KLHL5: variants seen among roughly 807,000 people sequenced by gnomAD.
KLHL5 encodes the protein kelch like family member 5, also known as kelch-like protein 5.
Under a neutral mutation model 77.7 loss-of-function variants are expected in KLHL5, and 48 were observed. The observed-to-expected ratio is 0.62, with a 90% CI of 0.49 to 0.79. KLHL5 has a LOEUF of 0.79. Among genes scored for constraint, KLHL5 ranks in the 30% least tolerant of loss-of-function variants. The probability of loss-of-function intolerance (pLI) is 0.00; values close to 1 mark genes in which losing one functional copy is unlikely to be tolerated. For synonymous variants in KLHL5, 260 were observed against 297.0 expected, an observed-to-expected ratio of 0.88 and a Z score of 1.28; for missense variants, 723 against 859.7, an observed-to-expected ratio of 0.84 and a Z score of 1.99.
At position 39,103,296 on chromosome 4, in the gene KLHL5, G is replaced by A. The variant is rs765362453; in HGVS notation, c.1310G>A (p.Ser437Asn). ...ATATATTACTATGAAGGAGCAACAA[G>A]CATTGAAAAGTATGATCTCCGTACA... ...GGMDSTKGATSIEKYDLRTNM... is the reference protein window; with the variant it reads ...GGMDSTKGATNIEKYDLRTNM... The change falls in exon 7 of 11, where the codon AGC (serine) becomes AAC (asparagine). Residue 437 changes from serine to asparagine, a missense_variant. Around this residue, in one of 3 missense-constraint regions of KLHL5, gnomAD observed 288 missense variants for 400.3 expected, o/e 0.72. Coordinates refer to ENST00000504108, the MANE Select transcript of KLHL5 (RefSeq NM_015990.5). 49 of 1,611,624 alleles carry A rather than the reference G, an allele frequency of 3.0e-5. No individual in the cohort carries two copies.
At chr4:39,069,424 A>C (rs1487463323) in intron 1 of KLHL5, among the ~76,000 whole-genome samples, 1 of 93,186 alleles carries the variant, frequency 1.1e-5, no homozygotes, top group African/African-American at 4.6e-5. Flanking sequence ...TTTCCCTATT[A>C]ACATTTTATA....
chr4:39,077,655 T>C (rs142965073), intron 2 of KLHL5, among the ~76,000 whole-genome samples: 17 of 137,980 alleles, frequency 1.2e-4, no homozygotes, highest in African/African-American at 4.7e-4. Context: ...GTGCAAACAC[T>C]ACAGAAAACA....
chr4:39,142,960 G>A, the KLHL5 span, among the ~76,000 whole-genome samples: 1 of 152,184 alleles, frequency 6.6e-6, no homozygotes, highest in African/African-American at 2.4e-5. Flanking sequence ...AGGGAGTCTT[G>A]TGGTGATGGT....
At chr4:39,049,055 T>C (rs980207060) in intron 1 of KLHL5, among the ~76,000 whole-genome samples, 1 of 152,192 alleles carries the variant, frequency 6.6e-6, no homozygotes, top group Non-Finnish European at 1.5e-5. Context: ...GAAATGCATT[T>C]CTACCATGTG....
rs1284244605 is a variant in KLHL5 at position 39,086,663 on chromosome 4, A to T, written c.1049A>T (p.Glu350Val). 5 of 1,613,916 alleles carry T rather than the reference A, an allele frequency of 3.1e-6. No individual in the cohort carries two copies. In the Admixed American group the frequency reaches 8.3e-5, roughly 27 times the overall value. ...CTTACTTGGGTCCGTCATGATTTGG[A>T]ACAGAGACGGAAAGATCTAAGTAAA... ...ALLTWVRHDL[E>V]QRRKDLSKLL... Residue 350 changes from glutamate (E) to valine (V), a missense_variant, in exon 5 of 11, where the codon GAA becomes GTA. Coordinates refer to ENST00000504108, the MANE Select transcript of KLHL5 (RefSeq NM_015990.5).
rs535591386 is a variant in KLHL5 at position 39,068,043 on chromosome 4, T to C, written c.383+5008T>C. ...TACTGGTTGCTTGCCTCTCTGTCTT[T>C]CCACTGCAGATAGCCCAAACTCTTA... On this transcript the variant is annotated intron_variant, in intron 1 of 10. Transcript: ENST00000504108. Among the ~76,000 whole-genome samples the C allele has an allele frequency of 2.6e-5, 4 of 152,194 alleles. No individual in the cohort carries two copies. In the South Asian group the frequency reaches 8.3e-4, roughly 32 times the overall value.
the KLHL5 span, among the ~76,000 whole-genome samples, chr4:39,142,784 G>C: frequency 1.4e-5 from 2 of 145,386 alleles, no homozygotes; most frequent in East Asian, 4.1e-4. Context: ...ATTATGCTGA[G>C]TGAAAAAAAA....
chr4:39,092,766 A>G (rs1334272150), intron 5 of KLHL5, among the ~76,000 whole-genome samples: 17 of 152,198 alleles, frequency 1.1e-4, no homozygotes, highest in Non-Finnish European at 1.9e-4. Context: ...TAAAAACATG[A>G]ACATATCATC....
intron 1 of KLHL5, among the ~76,000 whole-genome samples, chr4:39,046,065 T>G (rs899169902): frequency 6.6e-6 from 1 of 151,994 alleles, no homozygotes; most frequent in African/African-American, 2.4e-5. Context: ...TTTTCAGCAT[T>G]TACAGATTTG....
chr4:39,135,996 A>C, the KLHL5 span, among the ~76,000 whole-genome samples: 21 of 145,616 alleles, frequency 1.4e-4, 1 homozygote, highest in African/African-American at 5.4e-4. Context: ...GATTCAATTC[A>C]TTCTAACACG....
Position 39,107,736 on chromosome 4 carries a change from G to A in KLHL5, c.1688+5G>A. On this transcript the variant is annotated splice_donor_5th_base_variant and intron_variant, in intron 8 of 10. Transcript: ENST00000504108. ...TGTGGCAGTACTAAGTGGAAAGTAA[G>A]GAAATATTTAAAGTTCCATTTAAAA... 5 of 1,569,902 alleles carry A rather than the reference G, an allele frequency of 3.2e-6. No homozygotes were observed. Among genetic ancestry groups the A allele is most frequent in the East Asian group, 2.3e-5 (1 of 44,182 alleles).
intron 1 of KLHL5, among the ~76,000 whole-genome samples, chr4:39,072,934 G>A (rs1718625251): frequency 6.6e-6 from 1 of 152,064 alleles, no homozygotes; most frequent in Non-Finnish European, 1.5e-5. Context: ...ATAGCTAAAA[G>A]AGAGGGCTCT....
intron 1 of KLHL5, among the ~76,000 whole-genome samples, chr4:39,069,473 TACAC>T (rs57779550): frequency 1.1e-3 from 80 of 70,280 alleles, no homozygotes; most frequent in East Asian, 5.0e-3. Flanking sequence ...TATATATATA[TACAC>T]ACACACACAC....
the KLHL5 span, among the ~76,000 whole-genome samples, chr4:39,142,708 T>A: frequency 6.7e-6 from 1 of 149,844 alleles, no homozygotes; most frequent in Non-Finnish European, 1.5e-5. Context: ...TACCATGGAA[T>A]ACGATCCAGC....
At chr4:39,057,896 T>G (rs1717113151), upstream of KLHL5, among the ~76,000 whole-genome samples, 1 of 152,164 alleles carries the variant, frequency 6.6e-6, no homozygotes, top group Non-Finnish European at 1.5e-5. Context: ...TTAAGTTGAG[T>G]GAAGACATAG....
At position 39,124,960 on chromosome 4, in the gene KLHL5, C is replaced by T. The variant is rs1051116880; in HGVS notation, c.*3894C>T. 2.6e-5 allele frequency among the ~76,000 whole-genome samples: 4 copies of T among 151,812 alleles called. No homozygotes were observed. The highest frequency in any genetic ancestry group is 4.8e-5 in the African/African-American group (2 of 41,322). On this transcript the variant is annotated 3_prime_UTR_variant, in exon 11 of 11. Coordinates refer to ENST00000504108, the MANE Select transcript of KLHL5 (RefSeq NM_015990.5). ...AATACCTAGAATATATAAGGAACTCCGATGCTCGACAACAAAAAGACAAAC... is the reference window on the plus strand; with the variant it reads ...AATACCTAGAATATATAAGGAACTCTGATGCTCGACAACAAAAAGACAAAC...
chr4:39,136,036 G>C, the KLHL5 span, among the ~76,000 whole-genome samples: 5 of 150,544 alleles, frequency 3.3e-5, no homozygotes, highest in Admixed American at 1.3e-4. Flanking sequence ...GTGTGTGTGT[G>C]TGTGAGATCG....
intron 1 of KLHL5, among the ~76,000 whole-genome samples, chr4:39,067,439 G>A (rs2711984): frequency 0.73 from 110,467 of 151,722 alleles, 40,312 homozygotes; most frequent in East Asian, 0.82. Flanking sequence ...ACTTGGAAAT[G>A]GTTGCATTTT....
At chr4:39,117,743 A>G (rs556895805) in intron 10 of KLHL5, among the ~76,000 whole-genome samples, 1 of 152,290 alleles carries the variant, frequency 6.6e-6, no homozygotes, top group East Asian at 1.9e-4. Flanking sequence ...ACCCTCTGAA[A>G]ATCTGATAGA....
Sources: allele counts gnomAD v4.1 joint callset (sites outside exome capture counted in the v4.1 genomes callset), GRCh38; gene constraint gnomAD v4.1.1; regional missense constraint gnomAD v4.1.1; transcripts MANE v1.5; gene names NCBI Gene and HGNC (gene_info 2026-07-23, HGNC 2026-07-21).